The following SGCZ variants were observed in gnomAD, a reference collection of about 807,000 sequenced individuals.
SGCZ encodes the protein sarcoglycan zeta, also known as zeta-sarcoglycan.
In SGCZ, 40 loss-of-function variants were observed where a neutral mutation model predicts 41.3. That is an observed-to-expected ratio of 0.97 (90% CI 0.75 to 1.26). The LOEUF is 1.26. Ranked by LOEUF, SGCZ falls within the 50% of genes most tolerant of loss-of-function variation. The probability of loss-of-function intolerance (pLI) is 0.00; values close to 1 mark genes in which losing one functional copy is unlikely to be tolerated. For synonymous variants in SGCZ, 206 were observed against 137.5 expected, an observed-to-expected ratio of 1.50 and a Z score of -3.49; for missense variants, 552 against 369.8, an observed-to-expected ratio of 1.49 and a Z score of -4.04.
chr8:15,196,168 A>T (rs1271049816), intron 1 of SGCZ, among the ~76,000 whole-genome samples: 1 of 134,018 alleles, frequency 7.5e-6, no homozygotes, highest in African/African-American at 2.8e-5. Flanking sequence ...AAGTGCTGGG[A>T]TTACAGGCGT....
intron 3 of SGCZ, among the ~76,000 whole-genome samples, chr8:14,317,123 C>T (rs1470670076): frequency 6.6e-6 from 1 of 152,000 alleles, no homozygotes; most frequent in Non-Finnish European, 1.5e-5. Context: ...ACAATAATGC[C>T]TATCACATAG....
chr8:15,133,283 T>G (rs1296019961), intron 1 of SGCZ, among the ~76,000 whole-genome samples: 1 of 152,218 alleles, frequency 6.6e-6, no homozygotes, highest in Non-Finnish European at 1.5e-5. Context: ...CTCTTCTTCT[T>G]AGAGTTATAA....
At chr8:14,375,203 T>C (rs768897527) in intron 2 of SGCZ, among the ~76,000 whole-genome samples, 2 of 152,210 alleles carry the variant, frequency 1.3e-5, no homozygotes, top group Non-Finnish European at 2.9e-5. Context: ...TGATATTTAA[T>C]GCTGAAAGCT....
intron 1 of SGCZ, among the ~76,000 whole-genome samples, chr8:15,165,244 G>A (rs370386756): frequency 1.3e-5 from 2 of 152,208 alleles, no homozygotes; most frequent in Non-Finnish European, 1.5e-5. Flanking sequence ...CCGAGATCAC[G>A]CCACTGCTGC....
intron 1 of SGCZ, among the ~76,000 whole-genome samples, chr8:14,776,772 C>A (rs140971138): frequency 3.3e-5 from 5 of 151,952 alleles, no homozygotes; most frequent in African/African-American, 1.2e-4. Flanking sequence ...GGATTACAGG[C>A]GTGAGCTATG....
chr8:14,563,169 T>C (rs1052137694), intron 1 of SGCZ, among the ~76,000 whole-genome samples: 3 of 152,176 alleles, frequency 2.0e-5, no homozygotes, highest in Non-Finnish European at 4.4e-5. Flanking sequence ...CAGAGCCTCA[T>C]TACCCCAAGC....
intron 1 of SGCZ, among the ~76,000 whole-genome samples, chr8:15,129,706 G>C (rs1422988614): frequency 1.5e-4 from 2 of 13,426 alleles, no homozygotes; most frequent in South Asian, 1.9e-3. Flanking sequence ...AGAAGCATTT[G>C]CAAAAAAAAA....
At chr8:15,151,689 T>A (rs941595358) in intron 1 of SGCZ, among the ~76,000 whole-genome samples, 1 of 152,216 alleles carries the variant, frequency 6.6e-6, no homozygotes, top group Non-Finnish European at 1.5e-5. Context: ...AACTATATAA[T>A]GACACAGTTA....
intron 4 of SGCZ, among the ~76,000 whole-genome samples, chr8:14,201,256 C>T (rs1408270288): frequency 6.6e-6 from 1 of 152,214 alleles, no homozygotes; most frequent in African/African-American, 2.4e-5. Flanking sequence ...TACAACGTTG[C>T]TATCCCTCCC....
intron 4 of SGCZ, among the ~76,000 whole-genome samples, chr8:14,201,251 C>T (rs746363739): frequency 9.2e-5 from 14 of 152,060 alleles, no homozygotes; most frequent in East Asian, 3.9e-4. Flanking sequence ...TATCATACAA[C>T]GTTGCTATCC....
intron 2 of SGCZ, among the ~76,000 whole-genome samples, chr8:14,497,741 C>T (rs940520963): frequency 2.6e-5 from 4 of 152,110 alleles, no homozygotes; most frequent in African/African-American, 7.2e-5. Context: ...ACCCCATGAT[C>T]TAATACCTCC....
intron 1 of SGCZ, among the ~76,000 whole-genome samples, chr8:14,585,819 A>G (rs570850189): frequency 6.6e-6 from 1 of 152,318 alleles, no homozygotes; most frequent in South Asian, 2.1e-4. Context: ...GTGATTGTCA[A>G]TTCTGTTTCG....
intron 1 of SGCZ, among the ~76,000 whole-genome samples, chr8:14,881,297 T>C (rs1043839159): frequency 1.4e-4 from 22 of 152,154 alleles, no homozygotes; most frequent in African/African-American, 5.1e-4. Context: ...CCCTATTTTA[T>C]TCATATTTAC....
intron 2 of SGCZ, among the ~76,000 whole-genome samples, chr8:14,551,535 TATATATAATATATATA>T (rs1563404621): frequency 0.052 from 236 of 4,578 alleles, 7 homozygotes; most frequent in Non-Finnish European, 0.087. Context: ...ATATATATAA[TATATATAATATATATA>T]ATATATATTA....
intron 1 of SGCZ, among the ~76,000 whole-genome samples, chr8:14,734,095 C>T (rs1335212697): frequency 2.0e-5 from 3 of 152,106 alleles, no homozygotes; most frequent in Non-Finnish European, 2.9e-5. Flanking sequence ...CAATCATGGA[C>T]GCTGTTAAGA....
intron 3 of SGCZ, among the ~76,000 whole-genome samples, chr8:14,323,213 T>C (rs1801988203): frequency 6.6e-6 from 1 of 152,118 alleles, no homozygotes; most frequent in Non-Finnish European, 1.5e-5. Flanking sequence ...TAAGGAAAAA[T>C]AACTTTAATA....
intron 1 of SGCZ, among the ~76,000 whole-genome samples, chr8:14,967,577 C>T (rs988718581): frequency 2.0e-5 from 3 of 152,142 alleles, no homozygotes; most frequent in Non-Finnish European, 4.4e-5. Flanking sequence ...ATCTCAAACT[C>T]GCCACGTCTG....
At chr8:14,894,681 T>C (rs1475038208) in intron 1 of SGCZ, among the ~76,000 whole-genome samples, 1 of 152,140 alleles carries the variant, frequency 6.6e-6, no homozygotes, top group Admixed American at 6.6e-5. Context: ...AGTTCTCAAA[T>C]ATGGTCAAAT....
chr8:15,004,641 T>C (rs1448162629), intron 1 of SGCZ, among the ~76,000 whole-genome samples: 1 of 152,190 alleles, frequency 6.6e-6, no homozygotes, highest in African/African-American at 2.4e-5. Context: ...TGCTCTCCCA[T>C]TTTCCTTCAG....
Sources: allele counts gnomAD v4.1 joint callset (sites outside exome capture counted in the v4.1 genomes callset), GRCh38; gene constraint gnomAD v4.1.1; transcripts MANE v1.5; gene names NCBI Gene and HGNC (gene_info 2026-07-23, HGNC 2026-07-21).